MNAT1: variants seen among roughly 807,000 people sequenced by gnomAD.
MNAT1 encodes CDK-activating kinase assembly factor MAT1.
A neutral mutation model predicts 42.0 loss-of-function variants in MNAT1; 43 were observed. The ratio of observed to expected loss-of-function variants is 1.02; its 90% CI spans 0.80 to 1.32. MNAT1 has a LOEUF of 1.32. MNAT1 is among the 40% of genes most tolerant of loss of function. The pLI, the probability that MNAT1 is intolerant of heterozygous loss-of-function variation, is 0.00. For synonymous variants in MNAT1, 118 were observed against 120.0 expected (o/e 0.98, Z 0.11); for missense variants, 306 against 350.4 (o/e 0.87, Z 1.01).
At chr14:60,845,311 A>T (rs983680262) in intron 6 of MNAT1, among the ~76,000 whole-genome samples, 1 of 151,268 alleles carries the variant, frequency 6.6e-6, no homozygotes, top group East Asian at 1.9e-4. Context: ...GCTTTTCTCT[A>T]TTTTTTTTAG....
chr14:60,744,272 C>T (rs1011573805), intron 1 of MNAT1, among the ~76,000 whole-genome samples: 7 of 152,198 alleles, frequency 4.6e-5, no homozygotes, highest in Non-Finnish European at 7.3e-5. Flanking sequence ...GCTGGGATTA[C>T]AGGTGCCTGC....
chr14:60,787,834 C>G (rs990611869), intron 1 of MNAT1, among the ~76,000 whole-genome samples: 2 of 152,162 alleles, frequency 1.3e-5, no homozygotes, highest in African/African-American at 4.8e-5. Flanking sequence ...GGCTCCACTT[C>G]TAATTCTAGT....
At position 60,796,208 on chromosome 14, in the gene MNAT1, TC is replaced by T. The variant is rs1286191923; in HGVS notation, c.90-7del. On this transcript the variant is annotated splice_polypyrimidine_tract_variant and splice_region_variant and intron_variant, in intron 1 of 7. Coordinates refer to ENST00000261245, the MANE Select transcript of MNAT1 (RefSeq NM_002431.4). The stretch of plus-strand genomic sequence containing the variant: ...GCTTAAATGTTATGTTTTATTTCTG[TC>T]CTTACAGCTGTGAAAGTTGTGTAGA... 1 of 1,605,948 alleles carries T rather than the reference TC, an allele frequency of 6.2e-7. No homozygotes were observed. The highest frequency in any genetic ancestry group is 2.2e-5 in the East Asian group (1 of 44,632).
intron 7 of MNAT1, among the ~76,000 whole-genome samples, chr14:60,929,425 C>T (rs1235836517): frequency 2.0e-5 from 3 of 151,944 alleles, no homozygotes; most frequent in East Asian, 3.9e-4. Context: ...TTACCTCTTA[C>T]ATTTGGGCCT....
intron 1 of MNAT1, among the ~76,000 whole-genome samples, chr14:60,784,816 C>G (rs189306942): frequency 1.3e-5 from 2 of 151,718 alleles, no homozygotes; most frequent in East Asian, 3.9e-4. Flanking sequence ...ATTCTTTGGT[C>G]AAGTGGAAAG....
chr14:60,966,404 G>A (rs1021840075), intron 7 of MNAT1, among the ~76,000 whole-genome samples: 12 of 152,206 alleles, frequency 7.9e-5, no homozygotes, highest in Admixed American at 2.0e-4. Context: ...ACAGGTGTGC[G>A]CCACCACACC....
chr14:60,928,139 T>A (rs1294052976), intron 7 of MNAT1, among the ~76,000 whole-genome samples: 5 of 152,166 alleles, frequency 3.3e-5, no homozygotes, highest in Non-Finnish European at 7.4e-5. Flanking sequence ...GTGGTTTTTG[T>A]GTCTGGTTTC....
chr14:60,772,736 G>A (rs114570511), intron 1 of MNAT1, among the ~76,000 whole-genome samples: 145 of 151,996 alleles, frequency 9.5e-4, no homozygotes, highest in African/African-American at 3.3e-3. Context: ...AATCTTATAC[G>A]TCTAAAAGTA....
In MNAT1 at chr14:60,912,777, C is replaced by T. The variant is rs759654612; in HGVS notation, c.809+32942C>T. On this transcript the variant is annotated intron_variant, in intron 7 of 7. Coordinates refer to ENST00000261245, the MANE Select transcript of MNAT1 (RefSeq NM_002431.4). ...CTTAACACTTTTTCCTTCATTTCAA[C>T]TTTGGTGAATCTGACAGTTATGTGT... Among the ~76,000 whole-genome samples, 3 of 152,304 alleles carry T rather than the reference C, an allele frequency of 2.0e-5. No individual in the cohort carries two copies. The East Asian group carries it at 5.8e-4, about 29-fold the overall frequency.
chr14:60,882,348 C>T (rs2034570664), intron 7 of MNAT1, among the ~76,000 whole-genome samples: 1 of 152,088 alleles, frequency 6.6e-6, no homozygotes, highest in African/African-American at 2.4e-5. Flanking sequence ...CTTTCTGTGC[C>T]TGGCTTATTT....
intron 6 of MNAT1, among the ~76,000 whole-genome samples, chr14:60,841,826 C>G (rs1594794804): frequency 6.6e-6 from 1 of 152,218 alleles, no homozygotes; most frequent in Non-Finnish European, 1.5e-5. Context: ...GCTAATTTAG[C>G]TCCACTTTCA....
At chr14:60,857,727 C>T (rs1429277534) in intron 6 of MNAT1, among the ~76,000 whole-genome samples, 3 of 152,016 alleles carry the variant, frequency 2.0e-5, no homozygotes, top group Non-Finnish European at 2.9e-5. Flanking sequence ...CTCCCCCAGC[C>T]CCCCATCCCC....
At chr14:60,761,472 A>G (rs2030597435) in intron 1 of MNAT1, among the ~76,000 whole-genome samples, 1 of 152,218 alleles carries the variant, frequency 6.6e-6, no homozygotes, top group South Asian at 2.1e-4. Flanking sequence ...TGACTTTTAA[A>G]GTTTGGGATT....
At chr14:60,899,678 T>C (rs1416875704) in intron 7 of MNAT1, among the ~76,000 whole-genome samples, 4 of 152,210 alleles carry the variant, frequency 2.6e-5, no homozygotes, top group African/African-American at 9.6e-5. Context: ...ATCACAAATC[T>C]ATTACTCTTA....
At chr14:60,840,517 C>G (rs2033519104) in intron 6 of MNAT1, among the ~76,000 whole-genome samples, 2 of 152,222 alleles carry the variant, frequency 1.3e-5, no homozygotes, top group Admixed American at 1.3e-4. Context: ...CCATGGGAAT[C>G]ATGGCCTTGG....
chr14:60,799,328 A>G (rs2032126018), intron 3 of MNAT1: 2 of 985,238 alleles, frequency 2.0e-6, no homozygotes, highest in South Asian at 9.4e-5. Flanking sequence ...AAAGTGGAAA[A>G]GTTAGAATGT....
intron 1 of MNAT1, among the ~76,000 whole-genome samples, chr14:60,778,533 G>A (rs1179669752): frequency 6.6e-6 from 1 of 152,138 alleles, no homozygotes; most frequent in African/African-American, 2.4e-5. Flanking sequence ...TGCTTTTTCT[G>A]CCCATAAGTC....
intron 7 of MNAT1, among the ~76,000 whole-genome samples, chr14:60,913,327 C>G (rs1232980354): frequency 6.6e-6 from 1 of 152,162 alleles, no homozygotes. Context: ...TCTCTCAACT[C>G]GTCAAAGTCA....
chr14:60,906,221 TCAGAGAGGTAG>T (rs1421224531), intron 7 of MNAT1, among the ~76,000 whole-genome samples: 2 of 152,142 alleles, frequency 1.3e-5, no homozygotes, highest in African/African-American at 2.4e-5. Context: ...GAGAATAGGT[TCAGAGAGGTAG>T]CAGGTTTTTA....
Sources: allele counts gnomAD v4.1 joint callset (sites outside exome capture counted in the v4.1 genomes callset), GRCh38; gene constraint gnomAD v4.1.1; transcripts MANE v1.5; gene names NCBI Gene and HGNC (gene_info 2026-07-23, HGNC 2026-07-21).